The following SDK1 variants were observed in gnomAD, a reference collection of about 807,000 sequenced individuals.
SDK1 encodes the protein protein sidekick-1.
SDK1 carries 157 observed loss-of-function variants against 245.5 expected under a neutral mutation model. The observed-to-expected ratio is 0.64, with a 90% CI of 0.56 to 0.73. The LOEUF is 0.73. Among genes scored for constraint, SDK1 ranks in the 30% least tolerant of loss-of-function variants. The pLI, the probability that SDK1 is intolerant of heterozygous loss-of-function variation, is 0.00. For synonymous variants in SDK1, 1,647 were observed against 1,278.5 expected (o/e 1.29, Z -6.15); for missense variants, 3,583 against 3,002.3 (o/e 1.19, Z -4.52).
chr7:4,186,674 C>T (rs1467772493), intron 35 of SDK1, among the ~76,000 whole-genome samples: 1 of 152,090 alleles, frequency 6.6e-6, no homozygotes, highest in Non-Finnish European at 1.5e-5. Flanking sequence ...ATGAGTAGAG[C>T]CCCCCGCTGC....
chr7:4,163,324 T>C (rs1489829914), intron 32 of SDK1, among the ~76,000 whole-genome samples: 3 of 152,148 alleles, frequency 2.0e-5, no homozygotes, highest in African/African-American at 4.8e-5. Flanking sequence ...GGGTGCCCGA[T>C]GCAGCAGGTG....
chr7:3,790,244 CAG>C (rs1781037296), intron 4 of SDK1, among the ~76,000 whole-genome samples: 1 of 152,100 alleles, frequency 6.6e-6, no homozygotes, highest in African/African-American at 2.4e-5. Context: ...GGAATGGGTT[CAG>C]AGAGAGGACT....
At position 3,564,976 on chromosome 7, in the gene SDK1, A is replaced by G. The variant is rs144473369; in HGVS notation, c.299-54104A>G. 2.7e-3 allele frequency among the ~76,000 whole-genome samples: 404 copies of G among 152,098 alleles called. 2 individuals are homozygous for G. Among genetic ancestry groups the G allele is most frequent in the African/African-American group, 9.3e-3 (384 of 41,488 alleles). On this transcript the variant is annotated intron_variant, in intron 1 of 44. Transcript: ENST00000404826. Reference sequence around the variant, plus strand: ...AATCTGGATTTCCAAGCAGAAGGAGATATAATATAGGGGATCAGGTACTTT... The same window carrying G: ...AATCTGGATTTCCAAGCAGAAGGAGGTATAATATAGGGGATCAGGTACTTT...
At chr7:3,933,383 G>A (rs927451548) in intron 5 of SDK1, among the ~76,000 whole-genome samples, 10 of 152,160 alleles carry the variant, frequency 6.6e-5, no homozygotes, top group African/African-American at 2.4e-4. Context: ...ATAATGCTGG[G>A]ATTACAGGTG....
At chr7:4,000,518 GTTC>G (rs1454030474) in intron 14 of SDK1, among the ~76,000 whole-genome samples, 1 of 152,022 alleles carries the variant, frequency 6.6e-6, no homozygotes, top group Non-Finnish European at 1.5e-5. Flanking sequence ...GGCTGGGTTG[GTTC>G]TTCCCCTGCC....
intron 1 of SDK1, among the ~76,000 whole-genome samples, chr7:3,502,940 A>AT (rs1355895108): frequency 1.3e-5 from 2 of 152,220 alleles, no homozygotes; most frequent in African/African-American, 4.8e-5. Flanking sequence ...TGATTTTGAT[A>AT]TTATAGGGAT....
intron 4 of SDK1, among the ~76,000 whole-genome samples, chr7:3,774,057 A>C (rs1440038479): frequency 6.6e-6 from 1 of 151,930 alleles, no homozygotes; most frequent in Non-Finnish European, 1.5e-5. Context: ...TACTAAAAAT[A>C]CAAAAAAATT....
In SDK1 at chr7:3,475,304, C is replaced by T. The variant is rs1034835817; in HGVS notation, c.299-143776C>T. Among the ~76,000 whole-genome samples the T allele has an allele frequency of 4.6e-5, 7 of 152,282 alleles. No homozygotes were observed. In the South Asian group the frequency reaches 6.2e-4, roughly 14 times the overall value. ...CTGTCTGGAAGTGCTGCTTCTTGCTCTCTGGAGCCCTCCCCAGCCCTGCCC... is the reference window on the plus strand; with the variant it reads ...CTGTCTGGAAGTGCTGCTTCTTGCTTTCTGGAGCCCTCCCCAGCCCTGCCC... On this transcript the variant is annotated intron_variant, in intron 1 of 44. Transcript: ENST00000404826.
chr7:3,536,975 ATC>A (rs145801929), intron 1 of SDK1, among the ~76,000 whole-genome samples: 34 of 152,036 alleles, frequency 2.2e-4, no homozygotes, highest in African/African-American at 4.6e-4. Flanking sequence ...TTTTTCTTCA[ATC>A]TCTCTATTTT....
chr7:4,139,857 G>A (rs1283785353), intron 28 of SDK1, among the ~76,000 whole-genome samples: 1 of 151,424 alleles, frequency 6.6e-6, no homozygotes, highest in Non-Finnish European at 1.5e-5. Flanking sequence ...TGTCTGGGCT[G>A]TCTTGGAGCT....
intron 5 of SDK1, among the ~76,000 whole-genome samples, chr7:3,852,907 G>C (rs1336978653): frequency 1.3e-5 from 2 of 151,790 alleles, no homozygotes; most frequent in East Asian, 1.9e-4. Context: ...GTTTTTCTGA[G>C]AGAATCATCT....
At chr7:3,418,854 G>T (rs1044091977) in intron 1 of SDK1, among the ~76,000 whole-genome samples, 2 of 152,040 alleles carry the variant, frequency 1.3e-5, no homozygotes, top group South Asian at 2.1e-4. Flanking sequence ...CCTACCCCTC[G>T]CCTATGGTCA....
intron 25 of SDK1, among the ~76,000 whole-genome samples, chr7:4,115,129 A>G (rs1016607230): frequency 7.2e-5 from 11 of 152,190 alleles, no homozygotes; most frequent in Admixed American, 1.3e-4. Flanking sequence ...AAGGACGGCA[A>G]TTAACGCTCA....
chr7:4,092,715 A>G (rs1465623853), intron 22 of SDK1, among the ~76,000 whole-genome samples: 1 of 152,170 alleles, frequency 6.6e-6, no homozygotes, highest in Non-Finnish European at 1.5e-5. Context: ...AGGTGATGTC[A>G]GAGAGGTCTG....
intron 1 of SDK1, among the ~76,000 whole-genome samples, chr7:3,433,926 A>G (rs1028760028): frequency 7.2e-5 from 11 of 152,206 alleles, no homozygotes; most frequent in Admixed American, 2.6e-4. Context: ...ATGATTTATT[A>G]ATAAGTTTAA....
At chr7:3,692,428 A>C (rs1276394902) in intron 4 of SDK1, among the ~76,000 whole-genome samples, 2 of 152,118 alleles carry the variant, frequency 1.3e-5, no homozygotes, top group African/African-American at 4.8e-5. Flanking sequence ...TAGTTTTGCT[A>C]TTCTCTTTAA....
At chr7:3,616,168 A>T (rs1470333770) in intron 1 of SDK1, among the ~76,000 whole-genome samples, 2 of 152,312 alleles carry the variant, frequency 1.3e-5, no homozygotes, top group East Asian at 3.9e-4. Context: ...TTATAGGCAT[A>T]AGCCACCACA....
chr7:3,311,049 T>C (rs1158720825), intron 1 of SDK1, among the ~76,000 whole-genome samples: 3 of 152,144 alleles, frequency 2.0e-5, no homozygotes, highest in South Asian at 4.2e-4. Context: ...ATTTATCTTT[T>C]CTTTTCCTGT....
At chr7:3,818,414 T>TA (rs1779562091) in intron 4 of SDK1, among the ~76,000 whole-genome samples, 1 of 152,174 alleles carries the variant, frequency 6.6e-6, no homozygotes, top group Non-Finnish European at 1.5e-5. Flanking sequence ...AAAGTGATAT[T>TA]TATTGTGGAA....
Sources: gnomAD v4.1 joint callset for allele counts (sites outside exome capture counted in the v4.1 genomes callset) on GRCh38, gnomAD v4.1.1 for gene constraint, MANE v1.5 for transcripts, NCBI Gene and HGNC (gene_info 2026-07-23, HGNC 2026-07-21) for gene names.